TENT4A: variants seen among roughly 807,000 people sequenced by gnomAD.
TENT4A encodes the protein terminal nucleotidyltransferase 4A, also known as DNA polymerase kappa.
In TENT4A, 7 loss-of-function variants were observed where a neutral mutation model predicts 72.8. The observed-to-expected ratio is 0.10, with a 90% CI of 0.05 to 0.18. The LOEUF is 0.18. Ranked by LOEUF, TENT4A falls within the 10% of genes least tolerant of loss-of-function variation. The probability of loss-of-function intolerance (pLI) is 1.00; values close to 1 mark genes in which losing one functional copy is unlikely to be tolerated. For synonymous variants in TENT4A, 456 were observed against 434.3 expected (o/e 1.05, Z -0.62); for missense variants, 831 against 1,017.7 (o/e 0.82, Z 2.50).
chr5:6,720,816 T>A (rs1579449757), intron 1 of TENT4A, among the ~76,000 whole-genome samples: 1 of 151,986 alleles, frequency 6.6e-6, no homozygotes. Flanking sequence ...AGGAAAGGGG[T>A]CTTTCCTATG....
At chr5:6,722,706 G>GTT in intron 1 of TENT4A, among the ~76,000 whole-genome samples, 1 of 151,924 alleles carries the variant, frequency 6.6e-6, no homozygotes, top group African/African-American at 2.4e-5. Context: ...GTTGGTTAAG[G>GTT]TTTTTTTATT....
intron 1 of TENT4A, among the ~76,000 whole-genome samples, chr5:6,729,473 A>G (rs1279574829): frequency 2.0e-5 from 3 of 152,264 alleles, no homozygotes; most frequent in African/African-American, 7.2e-5. Context: ...TTTCATTTCA[A>G]AAGTGATCAG....
At chr5:6,751,310 A>G (rs1387965524) in intron 11 of TENT4A, 113 bp downstream of exon 11, 1 of 1,169,994 alleles carries the variant, frequency 8.5e-7, no homozygotes. Flanking sequence ...TAACTTTTTG[A>G]GTATTTGGCC....
In TENT4A at chr5:6,750,365, A is replaced by G. The variant is rs751434050; in HGVS notation, c.1722A>G (p.Thr574=). 64 of 1,612,704 alleles carry G rather than the reference A, an allele frequency of 4.0e-5. No homozygotes were observed. Among genetic ancestry groups the G allele is most frequent in the Admixed American group, 5.0e-5 (3 of 59,796 alleles). The change falls in exon 10 of 13, where the codon ACA becomes ACG. Residue 574 remains threonine, a synonymous_variant. Transcript: ENST00000230859. ...SRIKIKERIA[T]CNGEQTQNRE... is the part of the protein sequence containing the mutation. Reference sequence around the variant, plus strand: ...TCAAGATCAAAGAGCGAATAGCCACATGCAATGGGGAGCAGACGCAGAACC... The same window carrying G: ...TCAAGATCAAAGAGCGAATAGCCACGTGCAATGGGGAGCAGACGCAGAACC...
chr5:6,735,810 G>T (rs575525273), intron 1 of TENT4A, among the ~76,000 whole-genome samples: 1 of 151,374 alleles, frequency 6.6e-6, no homozygotes, highest in Non-Finnish European at 1.5e-5. Context: ...GCCCAGGCTG[G>T]AGTACAGTGG....
At chr5:6,747,503 G>A (rs948424716) in intron 7 of TENT4A, among the ~76,000 whole-genome samples, 3 of 151,978 alleles carry the variant, frequency 2.0e-5, no homozygotes, top group Admixed American at 6.5e-5. Context: ...CCTAAAGATC[G>A]TCTCAAGGAA....
intron 1 of TENT4A, among the ~76,000 whole-genome samples, chr5:6,722,175 G>GC (rs975917722): frequency 6.6e-6 from 1 of 152,066 alleles, no homozygotes; most frequent in African/African-American, 2.4e-5. Flanking sequence ...TTGAGCCTCA[G>GC]TTTCCCCCCC....
At chr5:6,753,427 C>T (rs1742520899) in intron 12 of TENT4A, among the ~76,000 whole-genome samples, 1 of 152,244 alleles carries the variant, frequency 6.6e-6, no homozygotes, top group South Asian at 2.1e-4. Context: ...GTGTATGCTG[C>T]TGTCATTCCC....
At chr5:6,737,710 G>GACCACC in intron 2 of TENT4A, 77 bp downstream of exon 2, 1 of 1,478,752 alleles carries the variant, frequency 6.8e-7, no homozygotes, top group Admixed American at 2.2e-5. Context: ...ATGATGTGTC[G>GACCACC]GCTAGATCCA....
chr5:6,749,537 C>G lies in TENT4A; in HGVS notation c.1587-20C>G. The G allele has an allele frequency of 6.5e-7, 1 of 1,538,240 alleles. No individual in the cohort carries two copies. The highest frequency in any genetic ancestry group is 9.0e-7 in the Non-Finnish European group (1 of 1,110,988). ...GACACCTGTTGTACTCTGTTGATCT[C>G]CAACAATGTCCCTTTGCAGTACTTT... On this transcript the variant is annotated intron_variant, in intron 8 of 12. Coordinates refer to ENST00000230859, the MANE Select transcript of TENT4A (RefSeq NM_006999.6).
intron 1 of TENT4A, among the ~76,000 whole-genome samples, chr5:6,718,217 T>C (rs1740478369): frequency 6.6e-6 from 1 of 152,262 alleles, no homozygotes; most frequent in African/African-American, 2.4e-5. Context: ...TGGTCAGCCA[T>C]GCCCCGCAAG....
intron 1 of TENT4A, among the ~76,000 whole-genome samples, chr5:6,726,104 AGTTT>A (rs1740906081): frequency 6.6e-6 from 1 of 152,050 alleles, no homozygotes; most frequent in Non-Finnish European, 1.5e-5. Context: ...CAACCTCTGT[AGTTT>A]GTTTGTAGTT....
chr5:6,728,328 T>C (rs1165063584), intron 1 of TENT4A, among the ~76,000 whole-genome samples: 3 of 152,230 alleles, frequency 2.0e-5, no homozygotes, highest in Non-Finnish European at 4.4e-5. Flanking sequence ...ACTAAGGCTA[T>C]GTAATGTAGC....
At chr5:6,738,611 T>C in intron 2 of TENT4A, 72 bp from the exon 3 acceptor site, 2 of 1,123,228 alleles carry the variant, frequency 1.8e-6, no homozygotes, top group Non-Finnish European at 2.7e-6. Context: ...GGCTTTCTTT[T>C]AGTAAGAAAT....
At chr5:6,752,377 A>C (rs1742453940) in intron 11 of TENT4A, among the ~76,000 whole-genome samples, 1 of 152,256 alleles carries the variant, frequency 6.6e-6, no homozygotes, top group Non-Finnish European at 1.5e-5. Flanking sequence ...CAGTATTGCA[A>C]GTCTGAGAAA....
At position 6,756,968 on chromosome 5, in the gene TENT4A, C is replaced by T. The variant is rs191587694; in HGVS notation, c.*2023C>T. On this transcript the variant is annotated 3_prime_UTR_variant, in exon 13 of 13. Coordinates refer to ENST00000230859, the MANE Select transcript of TENT4A (RefSeq NM_006999.6). ...TTTCGATTTTTTTGTGTGTGGACAA[C>T]AATATGGAAGCTAAAATTGACATAT... 6.6e-6 allele frequency: 1 copy of T among 152,636 alleles called. No individual in the cohort carries two copies. Among genetic ancestry groups the T allele is most frequent in the East Asian group, 1.9e-4 (1 of 5,190 alleles). 9.5% of individuals were successfully genotyped at this position (152,636 alleles called of 1,614,324 possible).
chr5:6,719,214 A>C (rs765271030), intron 1 of TENT4A, among the ~76,000 whole-genome samples: 1 of 152,238 alleles, frequency 6.6e-6, no homozygotes, highest in Non-Finnish European at 1.5e-5. Flanking sequence ...ACTATTTAAT[A>C]TGAGATTTTG....
At position 6,714,252 on chromosome 5, in the gene TENT4A, C is replaced by T; in HGVS notation, c.269C>T (p.Thr90Met). The T allele has an allele frequency of 4.8e-6, 5 of 1,031,526 alleles. No individual in the cohort carries two copies. Among genetic ancestry groups the T allele is most frequent in the Non-Finnish European group, 3.5e-6 (3 of 862,486 alleles). 63.9% of individuals were successfully genotyped at this position (1,031,526 alleles called of 1,614,324 possible). A position where few individuals can be genotyped will look rare whatever the true frequency, so the allele number is the denominator to read the frequency against. ...APAALPPALL[T>M]ALGPAAEGAR... The stretch of plus-strand genomic sequence containing the variant: ...GCCGCGCTGCCCCCCGCGCTGCTGA[C>T]GGCGCTGGGGCCCGCGGCCGAGGGC... The change falls in exon 1 of 13, where the codon ACG becomes ATG. Residue 90 changes from threonine to methionine, a missense_variant. Physicochemically the swap from Thr to Met is moderately conservative, Grantham distance 81. Around this residue, in one of 3 missense-constraint regions of TENT4A, gnomAD observed 302 missense variants for 293.8 expected, o/e 1.03. Transcript: ENST00000230859.
intron 1 of TENT4A, among the ~76,000 whole-genome samples, chr5:6,727,664 G>T (rs1288458534): frequency 6.6e-6 from 1 of 152,170 alleles, no homozygotes; most frequent in East Asian, 1.9e-4. Flanking sequence ...CAGCCACTTG[G>T]TATCAGGGAG....
Sources: allele counts gnomAD v4.1 joint callset (sites outside exome capture counted in the v4.1 genomes callset), GRCh38; gene constraint gnomAD v4.1.1; regional missense constraint gnomAD v4.1.1; transcripts MANE v1.5; gene names NCBI Gene and HGNC (gene_info 2026-07-23, HGNC 2026-07-21).